The following XPO1 variants were observed in gnomAD, a reference collection of about 807,000 sequenced individuals.
The protein encoded by XPO1 is exportin-1.
Under a neutral mutation model 133.3 loss-of-function variants are expected in XPO1, and 5 were observed. That is an observed-to-expected ratio of 0.04 (90% confidence interval 0.02 to 0.08). XPO1 has a LOEUF of 0.08. Among genes scored for constraint, XPO1 ranks in the 10% least tolerant of loss-of-function variants. XPO1 has a pLI of 1.00. For missense variants in XPO1, 506 were observed against 1,267.5 expected, an observed-to-expected ratio of 0.40 and a Z score of 9.12; for synonymous variants, 419 against 408.2, an observed-to-expected ratio of 1.03 and a Z score of -0.32.
chr2:61,499,960 G>T (rs1246961114), intron 6 of XPO1, 66 bp from the exon 7 acceptor site: 32 of 1,466,266 alleles, frequency 2.2e-5, no homozygotes, highest in Non-Finnish European at 3.0e-5. Flanking sequence ...AAACTTCAAA[G>T]AAATTATGTA....
chr2:61,500,707 G>GTCATTCA (rs2104514104), intron 6 of XPO1, among the ~76,000 whole-genome samples: 1 of 152,230 alleles, frequency 6.6e-6, no homozygotes, highest in Admixed American at 6.5e-5. Flanking sequence ...GCCAAGGCAG[G>GTCATTCA]AGAATTGCTT....
At chr2:61,525,737 C>T (rs966810386) in intron 3 of XPO1, 88 of 1,028,386 alleles carry the variant, frequency 8.6e-5, no homozygotes, top group Non-Finnish European at 1.0e-4. Context: ...TATTTTAAAA[C>T]TGTTAATTAA....
intron 1 of XPO1, among the ~76,000 whole-genome samples, 188 bp downstream of exon 1, chr2:61,537,374 C>A (rs1699398897): frequency 6.6e-6 from 1 of 150,860 alleles, no homozygotes; most frequent in African/African-American, 2.4e-5. Context: ...CCGCCTCCAT[C>A]CCCCAGCGGC....
chr2:61,499,411 CAAAAT>C (rs746867729), intron 7 of XPO1, among the ~76,000 whole-genome samples: 42 of 152,140 alleles, frequency 2.8e-4, no homozygotes, highest in Middle Eastern at 6.8e-3. Flanking sequence ...AGACTTGTCT[CAAAAT>C]AAAATAAAAT....
Position 61,534,449 on chromosome 2 carries a change from G to A in XPO1, c.-6-546C>T, listed in dbSNP as rs180755215. On this transcript the variant is annotated intron_variant, in intron 1 of 24. Transcript: ENST00000401558. The stretch of plus-strand genomic sequence containing the variant: ...TGTAATCCCAGCACTTTGGGAGGCC[G>A]AGGTGGGCGAATCACTTGAGGTCAG... The A allele has an allele frequency of 6.4e-3, 975 of 152,366 alleles. 3 individuals are homozygous for A. Among genetic ancestry groups the A allele is most frequent in the Admixed American group, 0.01 (158 of 15,286 alleles). 9.4% of individuals were successfully genotyped at this position (152,366 alleles called of 1,614,324 possible).
At chr2:61,490,376 T>A (rs547164210) in intron 17 of XPO1, among the ~76,000 whole-genome samples, 2 of 152,148 alleles carry the variant, frequency 1.3e-5, no homozygotes, top group South Asian at 4.2e-4. Flanking sequence ...TTTTTGTATT[T>A]TTAGTAGAGA....
intron 4 of XPO1, among the ~76,000 whole-genome samples, chr2:61,518,417 AAC>A (rs200566050): frequency 0.026 from 3,223 of 124,356 alleles, 40 homozygotes; most frequent in South Asian, 0.036. Flanking sequence ...CAAAAAACAA[AAC>A]ACACACACAC....
Position 61,492,524 on chromosome 2 carries a change from A to T in XPO1, c.1566+43T>A. ...TTGTATTATTTATTGTAACAACATAATACTTATTTAGCAATTCTAATTCAT... is the reference window on the plus strand; with the variant it reads ...TTGTATTATTTATTGTAACAACATATTACTTATTTAGCAATTCTAATTCAT... On this transcript the variant is annotated intron_variant, in intron 14 of 24. Transcript: ENST00000401558. The surrounding 1 kb of genome is among the most constrained non-coding windows in gnomAD (Gnocchi z 5.6). 1 of 1,594,350 alleles carries T rather than the reference A, an allele frequency of 6.3e-7. No homozygotes were observed. The highest frequency in any genetic ancestry group is 8.5e-7 in the Non-Finnish European group (1 of 1,173,000).
At chr2:61,528,137 G>C (rs528383887) in intron 2 of XPO1, among the ~76,000 whole-genome samples, 4 of 151,874 alleles carry the variant, frequency 2.6e-5, no homozygotes, top group African/African-American at 7.3e-5. Context: ...GTATTGGCCA[G>C]GCTGGTCTTG....
At chr2:61,526,004 A>C in intron 3 of XPO1, 1 of 1,062,072 alleles carries the variant, frequency 9.4e-7, no homozygotes, top group Non-Finnish European at 1.1e-6. Context: ...GTCCCATTAG[A>C]AGCCCAATGC....
chr2:61,495,929 A>G (rs1697220148), intron 10 of XPO1, among the ~76,000 whole-genome samples: 1 of 152,058 alleles, frequency 6.6e-6, no homozygotes, highest in Admixed American at 6.6e-5. Flanking sequence ...TTAGCCTCCC[A>G]AAGTGCTGGG....
intron 4 of XPO1, 67 bp downstream of exon 4, chr2:61,522,540 TCAAA>T (rs1698745438): frequency 4.5e-6 from 6 of 1,347,660 alleles, no homozygotes; most frequent in East Asian, 2.3e-5. Flanking sequence ...ACATGCCCCC[TCAAA>T]CAGTCAACTA....
At chr2:61,484,839 A>G (rs1403948695) in intron 20 of XPO1, 2 of 152,502 alleles carry the variant, frequency 1.3e-5, no homozygotes, top group African/African-American at 4.8e-5. Flanking sequence ...CATGGTCTCC[A>G]TCTCCTGACC....
At chr2:61,481,118 C>G in intron 24 of XPO1, 67 bp downstream of exon 24, 3 of 991,596 alleles carry the variant, frequency 3.0e-6, no homozygotes, top group African/African-American at 1.7e-5. Context: ...GATAAAAATT[C>G]TACAATGTAA....
intron 4 of XPO1, among the ~76,000 whole-genome samples, chr2:61,517,806 T>A (rs1698468388): frequency 6.6e-6 from 1 of 152,020 alleles, no homozygotes; most frequent in Non-Finnish European, 1.5e-5. Context: ...CTGGGCATGG[T>A]GGTGCGGACC....
chr2:61,508,347 T>G (rs556943225), intron 4 of XPO1, among the ~76,000 whole-genome samples: 1 of 152,354 alleles, frequency 6.6e-6, no homozygotes, highest in Admixed American at 6.5e-5. Flanking sequence ...AAAGGCAGCT[T>G]ATGACATGTA....
At chr2:61,534,043 G>C in intron 1 of XPO1, 140 bp from the exon 2 acceptor site, 1 of 797,246 alleles carries the variant, frequency 1.3e-6, no homozygotes, top group Non-Finnish European at 1.7e-6. Flanking sequence ...AGAAAACTGA[G>C]ATAGTAAAAG....
At position 61,481,080 on chromosome 2, in the gene XPO1, C is replaced by A. The variant is rs528966464; in HGVS notation, c.3069+105G>T. On this transcript the variant is annotated intron_variant, in intron 24 of 24. Transcript: ENST00000401558. ...TTGTGTAAACGTATTATCTTGAAAC[C>A]CCATTTATTTGGCATGACAAATCAA... 1.2e-5 allele frequency: 8 copies of A among 644,254 alleles called. No homozygotes were observed. The African/African-American group carries it at 1.5e-4, about 12-fold the overall frequency. 39.9% of individuals were successfully genotyped at this position (644,254 alleles called of 1,614,324 possible). A position where few individuals can be genotyped will look rare whatever the true frequency, so the allele number is the denominator to read the frequency against.
intron 24 of XPO1, among the ~76,000 whole-genome samples, chr2:61,479,464 C>CA (rs1444462659): frequency 2.1e-4 from 28 of 136,570 alleles, no homozygotes; most frequent in Admixed American, 2.9e-4. Context: ...CCAAAAAAAA[C>CA]AAAAAAAATG....
Sources: allele counts gnomAD v4.1 joint callset (sites outside exome capture counted in the v4.1 genomes callset), GRCh38; gene constraint gnomAD v4.1.1; non-coding constraint Gnocchi (gnomAD v3.1); transcripts MANE v1.5; gene names NCBI Gene and HGNC (gene_info 2026-07-23, HGNC 2026-07-21).